Variants in BBS9 observed in about 807,000 individuals in gnomAD.
BBS9 encodes protein PTHB1.
In BBS9, 89 loss-of-function variants were observed where a neutral mutation model predicts 117.7. That is an observed-to-expected ratio of 0.76 (90% confidence interval 0.64 to 0.90). The LOEUF (loss-of-function observed/expected upper bound fraction) is 0.90. Among genes scored for constraint, BBS9 ranks in the 40% least tolerant of loss-of-function variants. The probability of loss-of-function intolerance (pLI) is 0.00; values close to 1 mark genes in which losing one functional copy is unlikely to be tolerated. For missense variants in BBS9, 982 were observed against 1,042.2 expected, an observed-to-expected ratio of 0.94 and a Z score of 0.80; for synonymous variants, 379 against 370.9, an observed-to-expected ratio of 1.02 and a Z score of -0.25.
At chr7:33,372,068 G>C (rs894067647) in intron 17 of BBS9, among the ~76,000 whole-genome samples, 1 of 152,156 alleles carries the variant, frequency 6.6e-6, no homozygotes, top group Non-Finnish European at 1.5e-5. Context: ...GTTTGAGGAA[G>C]TAAAGTAGTA....
intron 1 of BBS9, among the ~76,000 whole-genome samples, chr7:33,145,504 G>C (rs1421984164): frequency 1.3e-5 from 2 of 152,036 alleles, no homozygotes; most frequent in African/African-American, 4.8e-5. Flanking sequence ...CTTCTTTTTT[G>C]GTGTGAATTT....
chr7:33,456,758 T>C (rs1419921), intron 19 of BBS9, among the ~76,000 whole-genome samples: 95,755 of 152,008 alleles, frequency 0.63, 30,852 homozygotes, highest in African/African-American at 0.76. Context: ...CCTACATCTC[T>C]TACAGAGTGT....
intron 4 of BBS9, among the ~76,000 whole-genome samples, chr7:33,173,639 A>G (rs1796929783): frequency 6.6e-6 from 1 of 151,948 alleles, no homozygotes; most frequent in African/African-American, 2.4e-5. Flanking sequence ...CCTAGATGAG[A>G]CTATTTGGGG....
rs537483408 is a variant in BBS9, at chr7:33,189,316, G to T, written c.442+11725G>T. ...TTATAGGCATGAGCCATTGTGCCTG[G>T]CCCCATTTTTATTTTTAAAATTATG... On this transcript the variant is annotated intron_variant, in intron 5 of 22. Coordinates refer to ENST00000242067, the MANE Select transcript of BBS9 (RefSeq NM_198428.3). Among the ~76,000 whole-genome samples, 20 of 152,238 alleles carry T rather than the reference G, an allele frequency of 1.3e-4. No homozygotes were observed. In the South Asian group the frequency reaches 4.1e-3, roughly 32 times the overall value.
At chr7:33,188,080 A>ATGTGTGTGTGTGTG (rs145485929) in intron 5 of BBS9, among the ~76,000 whole-genome samples, 5,482 of 72,742 alleles carry the variant, frequency 0.075, 436 homozygotes, top group Non-Finnish European at 0.094. Context: ...AGTTGAGTGA[A>ATGTGTGTGTGTGTG]TGTGTGTGTG....
At chr7:33,619,090 A>G (rs913355185) in intron 21 of BBS9, among the ~76,000 whole-genome samples, 1 of 152,192 alleles carries the variant, frequency 6.6e-6, no homozygotes, top group African/African-American at 2.4e-5. Flanking sequence ...AGACACAACT[A>G]CATGCAGCAT....
chr7:33,522,274 G>A (rs1302919084), intron 20 of BBS9, among the ~76,000 whole-genome samples: 2 of 152,116 alleles, frequency 1.3e-5, no homozygotes, highest in Admixed American at 1.3e-4. Flanking sequence ...TAATCGGATT[G>A]TTGGGTCAAA....
At chr7:33,276,379 G>C (rs1484390928) in intron 9 of BBS9, among the ~76,000 whole-genome samples, 1 of 152,094 alleles carries the variant, frequency 6.6e-6, no homozygotes, top group Non-Finnish European at 1.5e-5. Flanking sequence ...GGCAGTAAAT[G>C]GACAATTTCA....
intron 5 of BBS9, among the ~76,000 whole-genome samples, chr7:33,215,591 T>G (rs1439787795): frequency 6.6e-6 from 1 of 152,090 alleles, no homozygotes; most frequent in Non-Finnish European, 1.5e-5. Context: ...TTTGGGAGAT[T>G]GGTCTGGGCA....
chr7:33,351,975 GTTC>G (rs1818749961), intron 14 of BBS9: 1 of 154,366 alleles, frequency 6.5e-6, no homozygotes, highest in Non-Finnish European at 1.4e-5. Flanking sequence ...AGGGACAGAA[GTTC>G]TTCTGGGTTC....
chr7:33,247,570 C>T (rs2128294737), intron 5 of BBS9, among the ~76,000 whole-genome samples: 1 of 152,252 alleles, frequency 6.6e-6, no homozygotes, highest in East Asian at 1.9e-4. Flanking sequence ...ACCTGCAAGA[C>T]CCAGTGTTCT....
chr7:33,534,310 C>G, intron 21 of BBS9, 134 bp downstream of exon 21: 1 of 915,322 alleles, frequency 1.1e-6, no homozygotes, highest in Non-Finnish European at 1.7e-6. Context: ...TCACGTTTCC[C>G]CTCTGACATC....
chr7:33,401,118 G>T (rs1248419654), intron 19 of BBS9, among the ~76,000 whole-genome samples: 1 of 152,124 alleles, frequency 6.6e-6, no homozygotes, highest in East Asian at 1.9e-4. Context: ...GCCAAATATT[G>T]ATTTCCCCAC....
intron 5 of BBS9, among the ~76,000 whole-genome samples, chr7:33,205,241 G>C (rs1286134744): frequency 6.6e-6 from 1 of 152,276 alleles, no homozygotes; most frequent in South Asian, 2.1e-4. Context: ...TTCCTTGGTG[G>C]AAGCTTTCTT....
At chr7:33,552,841 T>C (rs1854649504) in intron 21 of BBS9, among the ~76,000 whole-genome samples, 1 of 152,206 alleles carries the variant, frequency 6.6e-6, no homozygotes, top group Non-Finnish European at 1.5e-5. Context: ...TCTCAGAAGA[T>C]GACTTGGTTT....
At chr7:33,233,754 G>C (rs1792935924) in intron 5 of BBS9, among the ~76,000 whole-genome samples, 1 of 152,018 alleles carries the variant, frequency 6.6e-6, no homozygotes, top group Admixed American at 6.6e-5. Context: ...TTTTAACTTT[G>C]AAATTTCTAT....
intron 4 of BBS9, 108 bp downstream of exon 4, chr7:33,155,810 AGTTG>A: frequency 3.2e-6 from 2 of 632,964 alleles, no homozygotes; most frequent in Non-Finnish European, 5.6e-6. Flanking sequence ...CAAAACATTT[AGTTG>A]AATGTTTTCT....
At chr7:33,512,756 C>A (rs1179149730) in intron 20 of BBS9, among the ~76,000 whole-genome samples, 3 of 152,188 alleles carry the variant, frequency 2.0e-5, no homozygotes, top group Non-Finnish European at 2.9e-5. Flanking sequence ...AAGCAGCACG[C>A]CCGCTGTGCT....
At position 33,534,359 on chromosome 7, in the gene BBS9, G is replaced by T. The variant is rs1851044968; in HGVS notation, c.2521+183G>T. 1.2e-5 allele frequency: 8 copies of T among 669,890 alleles called. 1 individual carries two copies. In the East Asian group the frequency reaches 2.2e-4, roughly 18 times the overall value. The allele number at this position is 669,890 out of a possible 1,614,324, so 41.5% of individuals were successfully genotyped here. A position where few individuals can be genotyped will look rare whatever the true frequency, so the allele number is the denominator to read the frequency against. Reference sequence around the variant, plus strand: ...TTGAATAAATATCCCTGAGATATTTGCTTGCTAGACATTTCCAGAATGGTA... The same window carrying T: ...TTGAATAAATATCCCTGAGATATTTTCTTGCTAGACATTTCCAGAATGGTA... On this transcript the variant is annotated intron_variant, in intron 21 of 22. Coordinates refer to ENST00000242067, the MANE Select transcript of BBS9 (RefSeq NM_198428.3).
Sources: gnomAD v4.1 joint callset for allele counts (sites outside exome capture counted in the v4.1 genomes callset) on GRCh38, gnomAD v4.1.1 for gene constraint, MANE v1.5 for transcripts, NCBI Gene and HGNC (gene_info 2026-07-23, HGNC 2026-07-21) for gene names.